The following HMGN5 variants were observed in gnomAD, a reference collection of about 807,000 sequenced individuals.
HMGN5 encodes high mobility group nucleosome-binding domain-containing protein 5.
In HMGN5, 4 loss-of-function variants were observed where a neutral mutation model predicts 9.5. That is an observed-to-expected ratio of 0.42 (90% CI 0.21 to 0.96). HMGN5 has a LOEUF of 0.96. Ranked by LOEUF, HMGN5 falls within the 40% of genes least tolerant of loss-of-function variation. The pLI is 0.30. For synonymous variants in HMGN5, 55 were observed against 57.1 expected (o/e 0.96, Z 0.16); for missense variants, 192 against 187.5 (o/e 1.02, Z -0.14).
chrX:81,169,884 T>C (rs1387491312), intron 1 of HMGN5, among the ~76,000 whole-genome samples: 1 of 108,868 alleles, frequency 9.2e-6, no homozygotes, highest in African/African-American at 3.3e-5. Context: ...CAAAACCTCA[T>C]CTCTACAAAA....
chrX:81,166,669 C>T (rs2075412056), intron 1 of HMGN5, among the ~76,000 whole-genome samples: 1 of 111,784 alleles, frequency 8.9e-6, no homozygotes, highest in African/African-American at 3.3e-5. Context: ...GACAGCAATG[C>T]CTTCCGCAAC....
chrX:81,144,555 A>G (rs1377524098), intron 1 of HMGN5, among the ~76,000 whole-genome samples: 1 of 112,193 alleles, frequency 8.9e-6, no homozygotes, highest in Non-Finnish European at 1.9e-5. Flanking sequence ...AACCAGCACA[A>G]AAAGGTTGAA....
intron 1 of HMGN5, among the ~76,000 whole-genome samples, chrX:81,151,215 C>CTG: frequency 9.0e-6 from 1 of 111,605 alleles, no homozygotes; most frequent in African/African-American, 3.3e-5. Flanking sequence ...ATCCTTTCCC[C>CTG]ATTGCTTGTT....
chrX:81,134,601 A>G (rs1020282071), intron 1 of HMGN5, among the ~76,000 whole-genome samples: 3 of 111,142 alleles, frequency 2.7e-5, no homozygotes, highest in Admixed American at 9.6e-5. Flanking sequence ...CCCTCCCCCA[A>G]TGTATCTGCA....
At chrX:81,150,146 A>G (rs1373303727) in intron 1 of HMGN5, among the ~76,000 whole-genome samples, 1 of 112,695 alleles carries the variant, frequency 8.9e-6, no homozygotes, top group East Asian at 2.8e-4. Context: ...TCAAGAATAG[A>G]CCATATGTTA....
At chrX:81,118,591 GA>G (rs921098359) in intron 4 of HMGN5, 106 bp from the exon 5 acceptor site, 18 of 806,663 alleles carry the variant, frequency 2.2e-5, no homozygotes, top group African/African-American at 1.3e-4. Context: ...TGAGTATTAG[GA>G]AAAAAAATAC....
intron 1 of HMGN5, among the ~76,000 whole-genome samples, chrX:81,175,343 TTGTG>T (rs765266419): frequency 9.4e-5 from 10 of 106,521 alleles, no homozygotes; most frequent in South Asian, 8.4e-4. Context: ...ACAATTCTAT[TTGTG>T]TGTGTGTGTG....
chrX:81,167,609 T>C (rs2075414673), intron 1 of HMGN5, among the ~76,000 whole-genome samples: 1 of 112,269 alleles, frequency 8.9e-6, no homozygotes, highest in South Asian at 3.6e-4. Flanking sequence ...ACTGAACTGA[T>C]TTAATAGCTT....
intron 1 of HMGN5, among the ~76,000 whole-genome samples, chrX:81,132,514 T>C (rs1171723420): frequency 1.8e-5 from 2 of 110,769 alleles, no homozygotes; most frequent in Admixed American, 1.9e-4. Context: ...ACCAATGGAA[T>C]AGAATACAGA....
In HMGN5 at chrX:81,119,812, T is replaced by C; in HGVS notation, c.21A>G (p.Ala7=). Residue 7 remains alanine (A), a synonymous_variant, in exon 3 of 7, where the codon GCA becomes GCG. Coordinates refer to ENST00000358130, the MANE Select transcript of HMGN5 (RefSeq NM_030763.3). MPKRKA[A]GQGDMRQEPK... ...CCTCCTGCCTCATATCACCTTGACCTGCAGCCTACACAGAGGAGAAAACCA... is the reference window on the plus strand; with the variant it reads ...CCTCCTGCCTCATATCACCTTGACCCGCAGCCTACACAGAGGAGAAAACCA... 2 of 1,205,409 alleles carry C rather than the reference T, an allele frequency of 1.7e-6. No individual in the cohort carries two copies. The highest frequency in any genetic ancestry group is 2.2e-6 in the Non-Finnish European group (2 of 889,702).
intron 1 of HMGN5, among the ~76,000 whole-genome samples, chrX:81,124,354 C>T (rs2075277194): frequency 2.7e-5 from 3 of 112,166 alleles, no homozygotes; most frequent in African/African-American, 9.7e-5. Flanking sequence ...GACTGCAGCC[C>T]CATTCTCAAA....
chrX:81,141,423 G>C (rs1337326984), intron 1 of HMGN5, among the ~76,000 whole-genome samples: 1 of 109,070 alleles, frequency 9.2e-6, no homozygotes, highest in South Asian at 4.1e-4. Context: ...CCACAAGAAT[G>C]CTTATTTCGC....
In HMGN5 at chrX:81,118,415, C is replaced by A. The variant is rs199617275; in HGVS notation, c.129+17G>T. ...AAAAAAGCAAATTTATTTCAATATT[C>A]TACGTTGAATATTTACCCTTGAACT... On this transcript the variant is annotated intron_variant, in intron 5 of 6. Transcript: ENST00000358130. 65 of 1,085,856 alleles carry A rather than the reference C, an allele frequency of 6.0e-5. No homozygotes were observed. The highest frequency in any genetic ancestry group is 7.7e-5 in the Non-Finnish European group (62 of 803,206). The allele number at this position is 1,085,856 out of a possible 1,213,427, so 89.5% of individuals were successfully genotyped here. A position where few individuals can be genotyped will look rare whatever the true frequency, so the allele number is the denominator to read the frequency against.
intron 1 of HMGN5, among the ~76,000 whole-genome samples, chrX:81,196,368 G>A (rs2075508137): frequency 9.2e-6 from 1 of 108,627 alleles, no homozygotes; most frequent in Non-Finnish European, 1.9e-5. Flanking sequence ...GGGAAGATTT[G>A]GTTACGCTTT....
At chrX:81,183,487 G>A (rs2075468686) in intron 1 of HMGN5, among the ~76,000 whole-genome samples, 1 of 112,600 alleles carries the variant, frequency 8.9e-6, no homozygotes, top group African/African-American at 3.2e-5. Flanking sequence ...ATGCAGCTTG[G>A]GTCACTGCCT....
At chrX:81,141,607 T>A (rs1319363392) in intron 1 of HMGN5, among the ~76,000 whole-genome samples, 1 of 111,539 alleles carries the variant, frequency 9.0e-6, no homozygotes, top group Non-Finnish European at 1.9e-5. Context: ...ATCAAGGAGG[T>A]ACTTTTACTA....
chrX:81,163,145 CA>C (rs1462882156), intron 1 of HMGN5, among the ~76,000 whole-genome samples: 1 of 111,994 alleles, frequency 8.9e-6, no homozygotes, highest in Non-Finnish European at 1.9e-5. Flanking sequence ...AGAAGTCACA[CA>C]TAGGTGTTTC....
chrX:81,114,968 T>A lies in HMGN5; in HGVS notation c.530A>T (p.Lys177Ile). 8.6e-7 allele frequency: 1 copy of A among 1,157,389 alleles called. No individual in the cohort carries two copies. The highest frequency in any genetic ancestry group is 1.1e-6 in the Non-Finnish European group (1 of 870,638). The change falls in exon 7 of 7, where the codon AAA becomes ATA. Residue 177 changes from lysine (K) to isoleucine (I), a missense_variant. Transcript: ENST00000358130. ...GEDAKEKEDG[K>I]KGEDGKGNGE... ...ATTTCCTTTTCCGTCTTCACCTTTT[T>A]TTCCATCTTCTTTCTCTTTTGCATC...
At chrX:81,141,120 T>C (rs766073831) in intron 1 of HMGN5, among the ~76,000 whole-genome samples, 1 of 111,430 alleles carries the variant, frequency 9.0e-6, no homozygotes, top group Non-Finnish European at 1.9e-5. Context: ...CATCTTATGG[T>C]TTGAGTGCCA....
Sources: gnomAD v4.1 joint callset for allele counts (sites outside exome capture counted in the v4.1 genomes callset) on GRCh38, gnomAD v4.1.1 for gene constraint, MANE v1.5 for transcripts, NCBI Gene and HGNC (gene_info 2026-07-23, HGNC 2026-07-21) for gene names.